The following COL5A2 variants were observed in gnomAD, a reference collection of about 807,000 sequenced individuals.
COL5A2 encodes the protein collagen type V alpha 2 chain.
A neutral mutation model predicts 208.2 loss-of-function variants in COL5A2; 23 were observed. That is an observed-to-expected ratio of 0.11 (90% CI 0.08 to 0.16). The LOEUF is 0.16. Among genes scored for constraint, COL5A2 ranks in the 10% least tolerant of loss-of-function variants. COL5A2 has a pLI of 1.00. For missense variants in COL5A2, 1,590 were observed against 1,956.4 expected (o/e 0.81, Z 3.53); for synonymous variants, 625 against 628.5 (o/e 0.99, Z 0.08).
the COL5A2 span, among the ~76,000 whole-genome samples, chr2:189,382,174 G>A: frequency 6.6e-6 from 1 of 151,934 alleles, no homozygotes; most frequent in South Asian, 2.1e-4. Context: ...TTTTGTCAGG[G>A]CAGCAATAAA....
chr2:189,203,881 C>T (rs1050658751), intron 1 of COL5A2, among the ~76,000 whole-genome samples: 1 of 151,718 alleles, frequency 6.6e-6, no homozygotes, highest in Non-Finnish European at 1.5e-5. Context: ...TAAGAATGAA[C>T]CATTTTCTTT....
intron 1 of COL5A2, among the ~76,000 whole-genome samples, chr2:189,157,503 T>C (rs1444743742): frequency 6.6e-6 from 1 of 151,894 alleles, no homozygotes; most frequent in Non-Finnish European, 1.5e-5. Flanking sequence ...AAACACATAG[T>C]TCTGTTATCT....
chr2:189,298,550 A>G, the COL5A2 span, among the ~76,000 whole-genome samples: 2 of 152,126 alleles, frequency 1.3e-5, no homozygotes. Context: ...GCTACACCAG[A>G]TGGTGGGAGT....
chr2:189,409,209 T>C, the COL5A2 span, among the ~76,000 whole-genome samples: 3 of 144,500 alleles, frequency 2.1e-5, no homozygotes, highest in African/African-American at 7.6e-5. Flanking sequence ...TTACTCTTTT[T>C]TTTTTTTTTT....
intron 16 of COL5A2, among the ~76,000 whole-genome samples, chr2:189,076,371 G>A (rs780444976): frequency 8.5e-5 from 13 of 152,100 alleles, no homozygotes; most frequent in East Asian, 5.8e-4. Flanking sequence ...TTGGCATGCC[G>A]CGATGGCACA....
chr2:189,240,437 C>G, the COL5A2 span, among the ~76,000 whole-genome samples: 1 of 152,158 alleles, frequency 6.6e-6, no homozygotes, highest in Non-Finnish European at 1.5e-5. Context: ...CCAGTTACCT[C>G]CCAAAGGCTG....
the COL5A2 span, among the ~76,000 whole-genome samples, chr2:189,340,089 C>T: frequency 2.0e-5 from 3 of 152,150 alleles, no homozygotes; most frequent in African/African-American, 7.2e-5. Flanking sequence ...AGTCAACCCA[C>T]TTCTGGGGCT....
intron 1 of COL5A2, among the ~76,000 whole-genome samples, chr2:189,136,474 T>C (rs573124942): frequency 1.1e-4 from 17 of 148,838 alleles, no homozygotes; most frequent in Non-Finnish European, 2.5e-4. Context: ...TAGTTATATA[T>C]ACACTCACAT....
chr2:189,385,845 A>G, the COL5A2 span, among the ~76,000 whole-genome samples: 3 of 152,114 alleles, frequency 2.0e-5, no homozygotes, highest in Non-Finnish European at 4.4e-5. Flanking sequence ...AGGTAGACAA[A>G]AATAAGTTTA....
intron 1 of COL5A2, among the ~76,000 whole-genome samples, chr2:189,217,560 T>C (rs1392546822): frequency 6.6e-6 from 1 of 152,084 alleles, no homozygotes; most frequent in Non-Finnish European, 1.5e-5. Context: ...TGGCTAACAA[T>C]CCTAGTGTGG....
chr2:189,049,562 T>C (rs1289024176), intron 43 of COL5A2, 108 bp from the exon 44 acceptor site: 5 of 814,204 alleles, frequency 6.1e-6, no homozygotes, highest in Non-Finnish European at 1.0e-5. Context: ...TCTATAATAA[T>C]AATTTTGCAT....
At chr2:189,097,206 C>G (rs1468601682) in intron 6 of COL5A2, 71 bp downstream of exon 6, 16 of 1,447,282 alleles carry the variant, frequency 1.1e-5, no homozygotes, top group Admixed American at 1.7e-5. Flanking sequence ...CAGCTTCTTG[C>G]TGCATTCAGA....
At chr2:189,383,244 A>T in the COL5A2 span, among the ~76,000 whole-genome samples, 3 of 152,176 alleles carry the variant, frequency 2.0e-5, no homozygotes, top group African/African-American at 2.4e-5. Context: ...TGCCAGATGC[A>T]TTGGTCTCTC....
the COL5A2 span, among the ~76,000 whole-genome samples, chr2:189,378,255 T>C: frequency 6.6e-6 from 1 of 152,160 alleles, no homozygotes; most frequent in Non-Finnish European, 1.5e-5. Flanking sequence ...CAAAAACGCA[T>C]ATAATAAAAT....
chr2:189,119,180 C>A (rs1159629341), intron 1 of COL5A2, among the ~76,000 whole-genome samples: 1 of 151,972 alleles, frequency 6.6e-6, no homozygotes, highest in Non-Finnish European at 1.5e-5. Context: ...TTTAGATGCA[C>A]AGCAAAGCTC....
the COL5A2 span, among the ~76,000 whole-genome samples, chr2:189,393,801 C>T: frequency 2.0e-5 from 3 of 152,210 alleles, no homozygotes; most frequent in Non-Finnish European, 4.4e-5. Context: ...TACTTTATGC[C>T]AAATTTCCCT....
At chr2:189,119,736 C>T (rs1477928797) in intron 1 of COL5A2, among the ~76,000 whole-genome samples, 7 of 152,108 alleles carry the variant, frequency 4.6e-5, no homozygotes, top group African/African-American at 1.7e-4. Flanking sequence ...CAAGTAACTA[C>T]AGAATACTTA....
At chr2:189,327,842 C>T in the COL5A2 span, among the ~76,000 whole-genome samples, 1 of 152,122 alleles carries the variant, frequency 6.6e-6, no homozygotes, top group African/African-American at 2.4e-5. Flanking sequence ...TGCTTATTTG[C>T]AAGATGGAGT....
Position 189,045,161 on chromosome 2 carries a change from C to CA in COL5A2, c.3363+17dup. 1.3e-6 allele frequency: 2 copies of CA among 1,578,940 alleles called. No homozygotes were observed. Among genetic ancestry groups the CA allele is most frequent in the Non-Finnish European group, 1.7e-6 (2 of 1,161,190 alleles). ...ATATAAGAAAACATTTTTTAAAAAACAAAAAAAGAGAACTTACAGGTAATC... is the reference window on the plus strand; with the variant it reads ...ATATAAGAAAACATTTTTTAAAAAACAAAAAAAAGAGAACTTACAGGTAATC... On this transcript the variant is annotated intron_variant, in intron 47 of 53. Transcript: ENST00000374866.
Sources: allele counts gnomAD v4.1 joint callset (sites outside exome capture counted in the v4.1 genomes callset), GRCh38; gene constraint gnomAD v4.1.1; transcripts MANE v1.5; gene names NCBI Gene and HGNC (gene_info 2026-07-23, HGNC 2026-07-21).